The following TUBB8B variants were observed in gnomAD, a reference collection of about 807,000 sequenced individuals.
The protein encoded by TUBB8B is HSA18p11 beta-tubulin 4Q pseudogene.
Under a neutral mutation model 31.9 loss-of-function variants are expected in TUBB8B, and 26 were observed. The ratio of observed to expected loss-of-function variants is 0.81; its 90% CI spans 0.60 to 1.13. The LOEUF is 1.13. TUBB8B is among the 50% of genes most tolerant of loss of function. The pLI is 0.00. For missense variants in TUBB8B, 467 were observed against 586.7 expected, an observed-to-expected ratio of 0.80 and a Z score of 2.11; for synonymous variants, 173 against 231.0, an observed-to-expected ratio of 0.75 and a Z score of 2.28.
At chr18:62,771 A>G in the TUBB8B span, among the ~76,000 whole-genome samples, 1 of 151,728 alleles carries the variant, frequency 6.6e-6, no homozygotes, top group African/African-American at 2.4e-5. Flanking sequence ...TAAGGCCAAT[A>G]ACTCTTAGAT....
upstream of TUBB8B, among the ~76,000 whole-genome samples, chr18:52,847 TTG>T (rs1488557563): frequency 1.3e-5 from 2 of 151,876 alleles, no homozygotes; most frequent in African/African-American, 4.8e-5. Context: ...CAGGAATGCA[TTG>T]TCTTTTGTTA....
the TUBB8B span, among the ~76,000 whole-genome samples, chr18:58,243 T>G: frequency 6.6e-6 from 1 of 151,746 alleles, no homozygotes; most frequent in East Asian, 1.9e-4. Context: ...AGCTTTTTAT[T>G]TTTCTGCCAC....
rs541691709 is a variant in TUBB8B at position 47,646 on chromosome 18, C to T, written c.1079G>A (p.Gly360Glu). 4 of 1,612,652 alleles carry T rather than the reference C, an allele frequency of 2.5e-6. No homozygotes were observed. The East Asian group carries it at 8.9e-5, about 36-fold the overall frequency. ...AATGAAGGTGGCTGACATTTTTAGC[C>T]CCCGGGGTGGGATGTCACAGACGGC... is the stretch of plus-strand genomic sequence containing the variant. ...KTAVCDIPPR[G>E]LKMSATFIGN... Residue 360 changes from glycine to glutamate, a missense_variant, in exon 4 of 4, where the codon GGG becomes GAG. This residue lies in a region of TUBB8B where 208 missense variants were observed against 206.7 expected (regional missense o/e 1.01). Transcript: ENST00000308911.
chr18:51,361 G>C (rs377713041), upstream of TUBB8B, among the ~76,000 whole-genome samples: 65 of 151,966 alleles, frequency 4.3e-4, no homozygotes, highest in South Asian at 0.013. Flanking sequence ...GGCCCAGTGG[G>C]AGGTAATTGA....
At chr18:48,851 C>T (rs1291508302) in intron 3 of TUBB8B, 89 bp downstream of exon 3, 9 of 958,696 alleles carry the variant, frequency 9.4e-6, no homozygotes, top group African/African-American at 1.6e-5. Context: ...GCCCTGGCGC[C>T]ACAGTTCCCA....
At chr18:65,308 A>T in the TUBB8B span, among the ~76,000 whole-genome samples, 1,200 of 152,190 alleles carry the variant, frequency 7.9e-3, 16 homozygotes, top group African/African-American at 0.028. Context: ...TCTCAAAAAA[A>T]TTTAAAAAAA....
chr18:60,641 A>T, the TUBB8B span, among the ~76,000 whole-genome samples: 1 of 151,648 alleles, frequency 6.6e-6, no homozygotes, highest in African/African-American at 2.4e-5. Context: ...CATATTCCAC[A>T]GGTTTTGCTA....
At chr18:65,846 A>G in the TUBB8B span, among the ~76,000 whole-genome samples, 5 of 152,216 alleles carry the variant, frequency 3.3e-5, no homozygotes, top group African/African-American at 1.2e-4. Context: ...AGTAAACTAC[A>G]ACACAAAATT....
chr18:47,561 C>T lies in TUBB8B; in HGVS notation c.1164G>A (p.Met388Ile). 6.4e-7 allele frequency: 1 copy of T among 1,567,124 alleles called. No homozygotes were observed. The highest frequency in any genetic ancestry group is 8.6e-7 in the Non-Finnish European group (1 of 1,159,776). The change falls in exon 4 of 4, where the codon ATG (methionine) becomes ATA (isoleucine). Residue 388 changes from methionine (M) to isoleucine (I), a missense_variant. Met to Ile is a conservative substitution (Grantham distance 10). Transcript: ENST00000308911. The part of the protein sequence containing the change: ...FTCVSEQFTA[M>I]FRRKAFLHWY... ...AGTGGAGGAAGGCCTTGCGCCTGAA[C>T]ATTGCTGTAAACTGCTCTGAGACAC...
chr18:71,503 G>C, the TUBB8B span, among the ~76,000 whole-genome samples: 1 of 145,658 alleles, frequency 6.9e-6, no homozygotes, highest in Non-Finnish European at 1.5e-5. Context: ...GCGAAGATTG[G>C]GACATTGCAC....
At chr18:59,288 T>C in the TUBB8B span, among the ~76,000 whole-genome samples, 1 of 151,770 alleles carries the variant, frequency 6.6e-6, no homozygotes, top group African/African-American at 2.4e-5. Context: ...TTGCTCCAGA[T>C]AGGAATTTCA....
At chr18:66,909 C>A in the TUBB8B span, among the ~76,000 whole-genome samples, 2 of 143,374 alleles carry the variant, frequency 1.4e-5, no homozygotes, top group Non-Finnish European at 3.1e-5. Context: ...GAATATGAGG[C>A]ATCTTTAAAT....
At chr18:63,673 T>TAACCCTAACCCTA in the TUBB8B span, among the ~76,000 whole-genome samples, 1 of 147,090 alleles carries the variant, frequency 6.8e-6, no homozygotes, top group East Asian at 2.0e-4. Flanking sequence ...GCCTTAGCCC[T>TAACCCTAACCCTA]AACCCTAACC....
At chr18:73,099 GGTACCAGGGTCTCTCCCC>G in the TUBB8B span, among the ~76,000 whole-genome samples, 211 of 151,976 alleles carry the variant, frequency 1.4e-3, 1 homozygote, top group Middle Eastern at 0.017. Flanking sequence ...CCCCTCTCCC[GGTACCAGGGTCTCTCCCC>G]GTACCAGGGT....
the TUBB8B span, among the ~76,000 whole-genome samples, chr18:61,392 TATCCATTC>T: frequency 6.6e-6 from 1 of 151,634 alleles, no homozygotes; most frequent in African/African-American, 2.4e-5. Flanking sequence ...CTTGCTTCTC[TATCCATTC>T]ATCCACTATT....
the TUBB8B span, among the ~76,000 whole-genome samples, chr18:62,284 TG>T: frequency 6.6e-6 from 1 of 151,752 alleles, no homozygotes; most frequent in Admixed American, 6.6e-5. Context: ...CCTTAACCTT[TG>T]GGTGTTCAGT....
upstream of TUBB8B, among the ~76,000 whole-genome samples, chr18:51,116 G>C (rs1020094361): frequency 1.3e-5 from 2 of 151,288 alleles, no homozygotes; most frequent in Non-Finnish European, 3.0e-5. Flanking sequence ...AGCAAGGCTT[G>C]TGCCTTGATT....
At chr18:50,679 G>T (rs1188382855), upstream of TUBB8B, 1 of 151,778 alleles carries the variant, frequency 6.6e-6, no homozygotes, top group Non-Finnish European at 1.5e-5. Context: ...TTCAGCCTGA[G>T]GGGCCCTGGA....
chr18:61,762 T>C, the TUBB8B span, among the ~76,000 whole-genome samples: 2 of 151,502 alleles, frequency 1.3e-5, 1 homozygote, highest in Non-Finnish European at 2.9e-5. Context: ...TTGCCATTCT[T>C]TTAAACTTTT....
Sources: gnomAD v4.1 joint callset for allele counts (sites outside exome capture counted in the v4.1 genomes callset) on GRCh38, gnomAD v4.1.1 for gene constraint, gnomAD v4.1.1 regional missense constraint, MANE v1.5 for transcripts, NCBI Gene and HGNC (gene_info 2026-07-23, HGNC 2026-07-21) for gene names.